ZNF609: variants seen among roughly 807,000 people sequenced by gnomAD.
ZNF609 encodes the protein zinc finger protein 609.
Under a neutral mutation model 109.5 loss-of-function variants are expected in ZNF609, and 11 were observed. That is an observed-to-expected ratio of 0.10 (90% CI 0.06 to 0.17). The LOEUF (loss-of-function observed/expected upper bound fraction) is 0.17. Among genes scored for constraint, ZNF609 ranks in the 10% least tolerant of loss-of-function variants. The pLI, the probability that ZNF609 is intolerant of heterozygous loss-of-function variation, is 1.00. For missense variants in ZNF609, 1,559 were observed against 1,772.4 expected (o/e 0.88, Z 2.16); for synonymous variants, 646 against 662.0 (o/e 0.98, Z 0.37).
chr15:64,527,084 C>G (rs528604968), intron 2 of ZNF609, among the ~76,000 whole-genome samples: 2 of 152,052 alleles, frequency 1.3e-5, no homozygotes, highest in Admixed American at 1.3e-4. Context: ...ATGTAAAGCA[C>G]ACAAGATTGA....
intron 2 of ZNF609, among the ~76,000 whole-genome samples, chr15:64,580,673 C>G (rs553959221): frequency 2.8e-4 from 42 of 151,752 alleles, no homozygotes; most frequent in Middle Eastern, 3.4e-3. Context: ...TCCCGAGTAA[C>G]TGGGACTACA....
intron 2 of ZNF609, among the ~76,000 whole-genome samples, chr15:64,553,955 A>G (rs1283659740): frequency 6.6e-6 from 1 of 152,216 alleles, no homozygotes; most frequent in Non-Finnish European, 1.5e-5. Flanking sequence ...AAACTGATAT[A>G]TCAGTTCTTA....
At chr15:64,658,156 A>G (rs539852189) in intron 3 of ZNF609, among the ~76,000 whole-genome samples, 97 of 152,236 alleles carry the variant, frequency 6.4e-4, no homozygotes, top group African/African-American at 2.2e-3. Flanking sequence ...AGCAGTTCTT[A>G]TACTTTTTGG....
chr15:64,674,994 C>G lies in ZNF609; in HGVS notation c.2140C>G (p.Pro714Ala). Residue 714 changes from proline (P) to alanine (A), a missense_variant, in exon 5 of 10, where the codon CCT (proline) becomes GCT (alanine). Pro to Ala is a conservative substitution (Grantham distance 27, BLOSUM62 -1). Transcript: ENST00000326648. ...IQPKPTVMGE[P>A]FTVNPALTPA... Reference sequence around the variant, plus strand: ...GCCCAAGCCCACTGTTATGGGAGAACCTTTCACAGTCAACCCTGCCTTGAC... The same window carrying G: ...GCCCAAGCCCACTGTTATGGGAGAAGCTTTCACAGTCAACCCTGCCTTGAC... 1.9e-6 allele frequency: 3 copies of G among 1,614,036 alleles called. No homozygotes were observed. Among genetic ancestry groups the G allele is most frequent in the Non-Finnish European group, 8.5e-7 (1 of 1,180,028 alleles).
chr15:64,548,921 T>G (rs540032155), intron 2 of ZNF609, among the ~76,000 whole-genome samples: 16 of 152,196 alleles, frequency 1.1e-4, no homozygotes, highest in Non-Finnish European at 2.2e-4. Context: ...GAAATCTTTC[T>G]TCTGTTCATG....
chr15:64,561,552 C>CTTTTTTTTTTTT (rs771022478), intron 2 of ZNF609, among the ~76,000 whole-genome samples: 8 of 129,896 alleles, frequency 6.2e-5, no homozygotes, highest in Non-Finnish European at 8.3e-5. Context: ...TTTTCTTTTT[C>CTTTTTTTTTTTT]TTTTTTTTTT....
intron 2 of ZNF609, among the ~76,000 whole-genome samples, chr15:64,573,996 C>A (rs1839208618): frequency 6.6e-6 from 1 of 151,888 alleles, no homozygotes; most frequent in African/African-American, 2.4e-5. Context: ...TAGTAGAGAC[C>A]ATCACATTTT....
intron 2 of ZNF609, among the ~76,000 whole-genome samples, chr15:64,618,246 A>G (rs758361615): frequency 2.0e-5 from 3 of 152,076 alleles, no homozygotes; most frequent in Non-Finnish European, 4.4e-5. Flanking sequence ...TGAAATGGGA[A>G]AAGTTCCCTT....
chr15:64,601,579 C>T (rs1895498204), intron 2 of ZNF609, among the ~76,000 whole-genome samples: 1 of 152,166 alleles, frequency 6.6e-6, no homozygotes, highest in African/African-American at 2.4e-5. Flanking sequence ...ATAATAAGTA[C>T]CCTCTTTTCT....
At chr15:64,620,438 G>A (rs1392041445) in intron 2 of ZNF609, among the ~76,000 whole-genome samples, 1 of 152,076 alleles carries the variant, frequency 6.6e-6, no homozygotes, top group Admixed American at 6.5e-5. Context: ...TTTCTGTGTT[G>A]TTTTTTACCT....
rs975533287 is a variant in ZNF609 at position 64,622,961 on chromosome 15, G to A, written c.882G>A (p.Val294=). 1 of 1,614,116 alleles carries A rather than the reference G, an allele frequency of 6.2e-7. No individual in the cohort carries two copies. The highest frequency in any genetic ancestry group is 1.3e-5 in the African/African-American group (1 of 74,938). The change falls in exon 3 of 10, where the codon GTG becomes GTA. Residue 294 remains valine, a synonymous_variant. Coordinates refer to ENST00000326648, the MANE Select transcript of ZNF609 (RefSeq NM_015042.2). ...CAGTTGGGGTCAACACATGTGATGT[G>A]GCTCTGGCCACAGAGCCTGAGTGCT... ...TRSVGVNTCD[V]ALATEPECLG...
chr15:64,481,319 C>CTTTTTTTTTTTTTTTTT (rs889184379), intron 1 of ZNF609, among the ~76,000 whole-genome samples: 1 of 127,272 alleles, frequency 7.9e-6, no homozygotes, highest in African/African-American at 3.0e-5. Flanking sequence ...TTTCTTTTTT[C>CTTTTTTTTTTTTTTTTT]TTTTTTTTTT....
chr15:64,656,459 C>T lies in ZNF609; in HGVS notation c.974-13887C>T, dbSNP rs568666420. Among the ~76,000 whole-genome samples the T allele has an allele frequency of 3.9e-5, 6 of 152,212 alleles. No individual in the cohort carries two copies. The South Asian group carries it at 1.2e-3, about 32-fold the overall frequency. On this transcript the variant is annotated intron_variant, in intron 3 of 9. Coordinates refer to ENST00000326648, the MANE Select transcript of ZNF609 (RefSeq NM_015042.2). ...CATCAAGTATTAGATCAGCTTTTTC[C>T]ATATCTCCTTCCTACTCTCTGACAC...
chr15:64,477,239 C>T (rs190517019), intron 1 of ZNF609, among the ~76,000 whole-genome samples: 1 of 145,962 alleles, frequency 6.9e-6, no homozygotes, highest in East Asian at 2.1e-4. Flanking sequence ...CTCCCCGGTT[C>T]AGGCCATTCT....
At chr15:64,620,651 G>A (rs1367938809) in intron 2 of ZNF609, among the ~76,000 whole-genome samples, 1 of 152,132 alleles carries the variant, frequency 6.6e-6, no homozygotes, top group Non-Finnish European at 1.5e-5. Flanking sequence ...AGTACAAGGG[G>A]TGTGTGTGTG....
At chr15:64,594,659 G>A (rs1341136354) in intron 2 of ZNF609, among the ~76,000 whole-genome samples, 1 of 151,938 alleles carries the variant, frequency 6.6e-6, no homozygotes, top group Admixed American at 6.6e-5. Context: ...AGATTTTGAG[G>A]GCCATTGATT....
At chr15:64,644,995 T>TTC (rs1422197040) in intron 3 of ZNF609, among the ~76,000 whole-genome samples, 8 of 150,872 alleles carry the variant, frequency 5.3e-5, no homozygotes, top group Admixed American at 2.6e-4. Flanking sequence ...CTTTCTTTCT[T>TTC]TCTTTCTTTC....
rs1896450410 is a variant in ZNF609 at position 64,653,769 on chromosome 15, A to C, written c.974-16577A>C. Among the ~76,000 whole-genome samples, 2 of 152,226 alleles carry C rather than the reference A, an allele frequency of 1.3e-5. 1 individual carries two copies. Among genetic ancestry groups the C allele is most frequent in the South Asian group, 4.1e-4 (2 of 4,836 alleles). On this transcript the variant is annotated intron_variant, in intron 3 of 9. Transcript: ENST00000326648. The stretch of plus-strand genomic sequence containing the variant: ...ATAGCTTTGAATAGTAGCTCCTTGC[A>C]GATTGAATGAGAAACTACTAGAGTT...
intron 2 of ZNF609, among the ~76,000 whole-genome samples, chr15:64,614,186 G>T (rs1313457267): frequency 2.0e-5 from 3 of 151,698 alleles, no homozygotes; most frequent in Admixed American, 2.0e-4. Context: ...CTCCCAAAGT[G>T]CTGGGATTAC....
Sources: gnomAD v4.1 joint callset for allele counts (sites outside exome capture counted in the v4.1 genomes callset) on GRCh38, gnomAD v4.1.1 for gene constraint, MANE v1.5 for transcripts, NCBI Gene and HGNC (gene_info 2026-07-23, HGNC 2026-07-21) for gene names.